TOB2: variants seen among roughly 807,000 people sequenced by gnomAD.
TOB2 encodes the protein transducer of ERBB2, 2, also known as protein Tob2.
Under a neutral mutation model 17.3 loss-of-function variants are expected in TOB2, and 3 were observed. The observed-to-expected ratio is 0.17, with a 90% CI of 0.08 to 0.45. The LOEUF is 0.45. TOB2 is among the 20% of genes least tolerant of loss of function. TOB2 has a pLI of 0.99. For missense variants in TOB2, 407 were observed against 445.7 expected (o/e 0.91, Z 0.78); for synonymous variants, 163 against 185.6 (o/e 0.88, Z 0.99).
At chr22:41,437,498 A>T in intron 1 of TOB2, 91 bp from the exon 2 acceptor site, 1 of 1,418,320 alleles carries the variant, frequency 7.1e-7, no homozygotes, top group Non-Finnish European at 9.3e-7. Flanking sequence ...ACTTTGGATC[A>T]CACAGAACCA....
chr22:41,440,869 A>AT (rs71184806), intron 1 of TOB2, among the ~76,000 whole-genome samples: 122,767 of 150,096 alleles, frequency 0.82, 51,188 homozygotes, highest in African/African-American at 0.95. Flanking sequence ...GTCCAGCCTC[A>AT]TTTTTTTTTG....
At position 41,434,036 on chromosome 22, in the gene TOB2, T is replaced by C. The variant is rs1366284472; in HGVS notation, c.*2275A>G. 6.4e-6 allele frequency: 1 copy of C among 157,368 alleles called. No individual in the cohort carries two copies. Among genetic ancestry groups the C allele is most frequent in the Admixed American group, 6.4e-5 (1 of 15,624 alleles). The allele number at this position is 157,368 out of a possible 1,614,324, so 9.7% of individuals were successfully genotyped here. ...ATACATATATTATATACCTCTTACA[T>C]TTTACAAATGTAGCAAATTATTCAA... On this transcript the variant is annotated 3_prime_UTR_variant, in exon 2 of 2. Transcript: ENST00000327492.
intron 1 of TOB2, among the ~76,000 whole-genome samples, chr22:41,439,539 T>C (rs2037591264): frequency 6.6e-6 from 1 of 151,370 alleles, no homozygotes; most frequent in South Asian, 2.1e-4. Flanking sequence ...ATGTGGAGAC[T>C]GAGTCTCGTT....
intron 1 of TOB2, among the ~76,000 whole-genome samples, chr22:41,442,916 GATCT>G (rs1310108578): frequency 6.6e-6 from 1 of 152,196 alleles, no homozygotes; most frequent in Non-Finnish European, 1.5e-5. Context: ...AGGACACTAA[GATCT>G]TTTCTAACCC....
At position 41,436,421 on chromosome 22, in the gene TOB2, C is replaced by A; in HGVS notation, c.925G>T (p.Ala309Ser). 1 of 1,614,198 alleles carries A rather than the reference C, an allele frequency of 6.2e-7. No individual in the cohort carries two copies. The highest frequency in any genetic ancestry group is 8.5e-7 in the Non-Finnish European group (1 of 1,180,020). ...GTCTTCTCCAGGAAGAGGCTGTTGG[C>A]ACCACCTCCAAATACCTGGGCCATG... Reference protein sequence around the residue: ...FDMAQVFGGGANSLFLEKTPF... With the variant: ...FDMAQVFGGGSNSLFLEKTPF... Residue 309 changes from alanine (A) to serine (S), a missense_variant, in exon 2 of 2, where the codon GCC becomes TCC. Coordinates refer to ENST00000327492, the MANE Select transcript of TOB2 (RefSeq NM_016272.4). This position sits in a 1 kb window ranked among gnomAD's most constrained non-coding sequence, Gnocchi z 4.8.
In TOB2 at chr22:41,436,043, A is replaced by C; in HGVS notation, c.*268T>G. On this transcript the variant is annotated 3_prime_UTR_variant, in exon 2 of 2. Coordinates refer to ENST00000327492, the MANE Select transcript of TOB2 (RefSeq NM_016272.4). This position sits in a 1 kb window ranked among gnomAD's most constrained non-coding sequence, Gnocchi z 4.8. ...AGATGTTATATAGAAAACTACATGT[A>C]AGAAAAAAAAAAAAGAAAAAGAAAT... 1 of 362,446 alleles carries C rather than the reference A, an allele frequency of 2.8e-6. No homozygotes were observed. Among genetic ancestry groups the C allele is most frequent in the Middle Eastern group, 7.6e-4 (1 of 1,324 alleles). 22.5% of individuals were successfully genotyped at this position (362,446 alleles called of 1,614,324 possible).
At chr22:41,438,507 G>A (rs2146031937) in intron 1 of TOB2, among the ~76,000 whole-genome samples, 1 of 151,510 alleles carries the variant, frequency 6.6e-6, no homozygotes, top group South Asian at 2.1e-4. Flanking sequence ...GTGCATGCCT[G>A]TAATCCCAGC....
Position 41,436,983 on chromosome 22 carries a change from A to G in TOB2, c.363T>C (p.Gly121=). The change falls in exon 2 of 2, where the codon GGT becomes GGC. Residue 121 remains glycine, a synonymous_variant. Transcript: ENST00000327492. This position sits in a 1 kb window ranked among gnomAD's most constrained non-coding sequence, Gnocchi z 4.8. ...VLYLDDSEGC[G]APELDKEIKS... ...TGATCTCCTTGTCCAGCTCTGGGGC[A>G]CCGCAACCCTCACTGTCATCCAGGT... 2 of 1,614,160 alleles carry G rather than the reference A, an allele frequency of 1.2e-6. No homozygotes were observed. Among genetic ancestry groups the G allele is most frequent in the Non-Finnish European group, 1.7e-6 (2 of 1,180,024 alleles).
rs542680274 is a variant in TOB2 at position 41,445,617 on chromosome 22, T to C, written c.-63+762A>G. On this transcript the variant is annotated intron_variant, in intron 1 of 1. Coordinates refer to ENST00000327492, the MANE Select transcript of TOB2 (RefSeq NM_016272.4). ...GCTGTGCCTCCTCTCTGCACCCTCCTTCCCCTCCCAGATTTCTGGTGGTCA... is the reference window on the plus strand; with the variant it reads ...GCTGTGCCTCCTCTCTGCACCCTCCCTCCCCTCCCAGATTTCTGGTGGTCA... 3.9e-5 allele frequency among the ~76,000 whole-genome samples: 6 copies of C among 152,282 alleles called. No individual in the cohort carries two copies. The East Asian group carries it at 1.2e-3, about 29-fold the overall frequency.
At chr22:41,439,829 T>C (rs909681303) in intron 1 of TOB2, among the ~76,000 whole-genome samples, 3 of 152,082 alleles carry the variant, frequency 2.0e-5, no homozygotes, top group African/African-American at 7.2e-5. Flanking sequence ...AGGGGCATTT[T>C]TGGGACTAAA....
At chr22:41,445,468 G>T (rs2037673500) in intron 1 of TOB2, among the ~76,000 whole-genome samples, 1 of 152,204 alleles carries the variant, frequency 6.6e-6, no homozygotes, top group African/African-American at 2.4e-5. Context: ...GGTACGGTGG[G>T]TAAGAAGGAG....
chr22:41,437,411 G>C lies in TOB2; in HGVS notation c.-62-4C>G. On this transcript the variant is annotated splice_polypyrimidine_tract_variant and splice_region_variant and intron_variant, in intron 1 of 1. Coordinates refer to ENST00000327492, the MANE Select transcript of TOB2 (RefSeq NM_016272.4). The stretch of plus-strand genomic sequence containing the variant: ...CAGCCTTGGGCTCCAGGCGGCTCTG[G>C]GAAATGAGAGGCACCGTGAGAAAAT... 15 of 1,527,802 alleles carry C rather than the reference G, an allele frequency of 9.8e-6. No individual in the cohort carries two copies. Among genetic ancestry groups the C allele is most frequent in the Non-Finnish European group, 1.3e-5 (15 of 1,141,998 alleles). The allele number at this position is 1,527,802 out of a possible 1,614,324, so 94.6% of individuals were successfully genotyped here.
intron 1 of TOB2, among the ~76,000 whole-genome samples, chr22:41,444,304 A>G (rs183426475): frequency 3.6e-4 from 54 of 152,030 alleles, no homozygotes; most frequent in Non-Finnish European, 1.3e-4. Context: ...GTCTCTCATC[A>G]TCTCCCCCTA....
rs982430513 is a variant in TOB2 at position 41,446,584 on chromosome 22, G to C, written c.-268C>G. The C allele has an allele frequency of 6.5e-6, 1 of 152,884 alleles. No individual in the cohort carries two copies. Among genetic ancestry groups the C allele is most frequent in the African/African-American group, 2.4e-5 (1 of 41,428 alleles). The allele number at this position is 152,884 out of a possible 1,614,324, so 9.5% of individuals were successfully genotyped here. A position where few individuals can be genotyped will look rare whatever the true frequency, so the allele number is the denominator to read the frequency against. ...TCTCAATAATTTCTTTCAGCTCTTA[G>C]GAGGTCGGGCTCGGCAGCGGGGGGC... On this transcript the variant is annotated 5_prime_UTR_variant, in exon 1 of 2. Coordinates refer to ENST00000327492, the MANE Select transcript of TOB2 (RefSeq NM_016272.4).
chr22:41,436,950 G>C lies in TOB2; in HGVS notation c.396C>G (p.Ser132Arg). ...CGAACACCTGGGCGTCAGGGTTGAAGCTGCTCTTGATCTCCTTGTCCAGCT... is the reference window on the plus strand; with the variant it reads ...CGAACACCTGGGCGTCAGGGTTGAACCTGCTCTTGATCTCCTTGTCCAGCT... ...APELDKEIKSSFNPDAQVFVP... is the reference protein window; with the variant it reads ...APELDKEIKSRFNPDAQVFVP... The change falls in exon 2 of 2, where the codon AGC becomes AGG. Residue 132 changes from serine to arginine, a missense_variant. Physicochemically the swap from Ser to Arg is moderately radical, Grantham distance 110 (BLOSUM62 -1). Coordinates refer to ENST00000327492, the MANE Select transcript of TOB2 (RefSeq NM_016272.4). The surrounding 1 kb of genome is among the most constrained non-coding windows in gnomAD (Gnocchi z 4.8). 6.2e-7 allele frequency: 1 copy of C among 1,614,226 alleles called. No homozygotes were observed. Among genetic ancestry groups the C allele is most frequent in the Non-Finnish European group, 8.5e-7 (1 of 1,180,044 alleles).
chr22:41,440,440 G>T (rs1030471611), intron 1 of TOB2, among the ~76,000 whole-genome samples: 1 of 151,174 alleles, frequency 6.6e-6, no homozygotes, highest in African/African-American at 2.4e-5. Context: ...TTGAGACAGG[G>T]TCTCACTCTG....
intron 1 of TOB2, among the ~76,000 whole-genome samples, chr22:41,442,979 T>C (rs575634784): frequency 6.6e-6 from 1 of 152,230 alleles, no homozygotes; most frequent in South Asian, 2.1e-4. Context: ...ATAAAAATGG[T>C]GAGGTGTTTA....
In TOB2 at chr22:41,436,425, A is replaced by T; in HGVS notation, c.921T>A (p.Gly307=). 6.2e-7 allele frequency: 1 copy of T among 1,614,024 alleles called. No individual in the cohort carries two copies. The highest frequency in any genetic ancestry group is 8.5e-7 in the Non-Finnish European group (1 of 1,179,996). The change falls in exon 2 of 2, where the codon GGT becomes GGA. Residue 307 remains glycine, a synonymous_variant. Coordinates refer to ENST00000327492, the MANE Select transcript of TOB2 (RefSeq NM_016272.4). This position sits in a 1 kb window ranked among gnomAD's most constrained non-coding sequence, Gnocchi z 4.8. The stretch of plus-strand genomic sequence containing the variant: ...TCTCCAGGAAGAGGCTGTTGGCACC[A>T]CCTCCAAATACCTGGGCCATGTCAA... ...SSFDMAQVFG[G]GANSLFLEKT...
intron 1 of TOB2, among the ~76,000 whole-genome samples, 195 bp from the exon 2 acceptor site, chr22:41,437,602 T>C (rs1027343819): frequency 2.0e-5 from 3 of 152,064 alleles, no homozygotes; most frequent in Admixed American, 6.6e-5. Flanking sequence ...TTAAGGTAGT[T>C]CAAGGATATA....
Sources: allele counts gnomAD v4.1 joint callset (sites outside exome capture counted in the v4.1 genomes callset), GRCh38; gene constraint gnomAD v4.1.1; non-coding constraint Gnocchi (gnomAD v3.1); transcripts MANE v1.5; gene names NCBI Gene and HGNC (gene_info 2026-07-23, HGNC 2026-07-21).